Variants in ACAP2 observed in about 807,000 individuals in gnomAD.
ACAP2 encodes ArfGAP with coiled-coil, ankyrin repeat and PH domains 2, also known as arf-GAP with coiled-coil, ANK repeat and PH domain-containing protein 2.
ACAP2 carries 39 observed loss-of-function variants against 115.8 expected under a neutral mutation model. The ratio of observed to expected loss-of-function variants is 0.34; its 90% CI spans 0.26 to 0.44. ACAP2 has a LOEUF of 0.44. ACAP2 is among the 20% of genes least tolerant of loss of function. ACAP2 has a pLI of 1.00. For synonymous variants in ACAP2, 289 were observed against 315.8 expected, an observed-to-expected ratio of 0.92 and a Z score of 0.90; for missense variants, 662 against 927.6, an observed-to-expected ratio of 0.71 and a Z score of 3.72.
chr3:195,308,108 G>A (rs1470331170), intron 11 of ACAP2, among the ~76,000 whole-genome samples: 1 of 151,994 alleles, frequency 6.6e-6, no homozygotes, highest in African/African-American at 2.4e-5. Context: ...TTAAAATAAG[G>A]TTCAGGAAAA....
intron 1 of ACAP2, among the ~76,000 whole-genome samples, chr3:195,424,154 G>C (rs914149081): frequency 6.0e-5 from 9 of 148,804 alleles, no homozygotes; most frequent in Non-Finnish European, 1.3e-4. Context: ...CTGTCCCCTA[G>C]TATAAATAGC....
intron 1 of ACAP2, among the ~76,000 whole-genome samples, chr3:195,396,119 C>G (rs927601883): frequency 2.0e-4 from 31 of 151,882 alleles, no homozygotes; most frequent in Non-Finnish European, 7.4e-5. Flanking sequence ...GGCGTGGTGG[C>G]AGGCACCTGT....
At chr3:195,297,653 G>T (rs1727744188) in intron 15 of ACAP2, among the ~76,000 whole-genome samples, 1 of 152,210 alleles carries the variant, frequency 6.6e-6, no homozygotes, top group African/African-American at 2.4e-5. Flanking sequence ...GGTGCAGTAA[G>T]TACTAGCCAG....
intron 22 of ACAP2, chr3:195,280,648 C>T (rs933083198): frequency 2.0e-5 from 3 of 151,616 alleles, no homozygotes; most frequent in Non-Finnish European, 4.4e-5. Context: ...ATATGTTTAC[C>T]GAGAAATAGA....
intron 4 of ACAP2, chr3:195,349,875 C>T: frequency 3.4e-6 from 1 of 297,034 alleles, no homozygotes; most frequent in South Asian, 3.3e-5. Flanking sequence ...CTGTCTGGAA[C>T]AAAGGAACAA....
At chr3:195,282,791 T>C (rs1254294631) in intron 22 of ACAP2, 1 of 152,252 alleles carries the variant, frequency 6.6e-6, no homozygotes, top group East Asian at 1.9e-4. Context: ...AACTTTTCTA[T>C]GTGCCTGGAC....
chr3:195,426,037 T>C (rs1338480778), intron 1 of ACAP2, among the ~76,000 whole-genome samples: 1 of 152,190 alleles, frequency 6.6e-6, no homozygotes, highest in Non-Finnish European at 1.5e-5. Context: ...TTGCTTCCTA[T>C]TGCACTAACC....
intron 1 of ACAP2, among the ~76,000 whole-genome samples, chr3:195,427,566 A>G (rs901176595): frequency 1.3e-5 from 2 of 152,098 alleles, no homozygotes; most frequent in African/African-American, 4.8e-5. Flanking sequence ...ACAGTATATT[A>G]CTTTACTGAA....
At chr3:195,357,368 C>T (rs1232129076) in intron 4 of ACAP2, among the ~76,000 whole-genome samples, 1 of 152,120 alleles carries the variant, frequency 6.6e-6, no homozygotes, top group East Asian at 1.9e-4. Flanking sequence ...GCACTCTGAA[C>T]CTGTCCGGAG....
intron 10 of ACAP2, 133 bp from the exon 11 acceptor site, chr3:195,308,970 T>C: frequency 1.2e-6 from 1 of 823,116 alleles, no homozygotes; most frequent in Non-Finnish European, 1.9e-6. Context: ...CTGTATTATT[T>C]TGCTTTATAT....
intron 1 of ACAP2, among the ~76,000 whole-genome samples, chr3:195,423,176 G>T (rs1714325148): frequency 6.6e-6 from 1 of 152,050 alleles, no homozygotes; most frequent in Non-Finnish European, 1.5e-5. Context: ...AAGTACATGT[G>T]AGATGTATTT....
chr3:195,393,343 C>T (rs1366869564), intron 1 of ACAP2, among the ~76,000 whole-genome samples: 3 of 152,214 alleles, frequency 2.0e-5, no homozygotes, highest in African/African-American at 4.8e-5. Context: ...AGAACTCCCA[C>T]TTCACCTCTG....
At chr3:195,342,716 C>A (rs1270149784) in intron 5 of ACAP2, 62 bp from the exon 6 acceptor site, 1 of 1,404,890 alleles carries the variant, frequency 7.1e-7, no homozygotes, top group Non-Finnish European at 9.5e-7. Context: ...CTTTAGCAGG[C>A]TGGGCGCGGT....
At chr3:195,355,001 C>T (rs1279646237) in intron 4 of ACAP2, among the ~76,000 whole-genome samples, 5 of 152,126 alleles carry the variant, frequency 3.3e-5, no homozygotes, top group Non-Finnish European at 5.9e-5. Flanking sequence ...GTAGCTGGGA[C>T]TACAGGCATG....
At chr3:195,295,643 G>A (rs1314537769) in intron 17 of ACAP2, 65 bp downstream of exon 17, 3 of 1,560,030 alleles carry the variant, frequency 1.9e-6, no homozygotes, top group Non-Finnish European at 1.8e-6. Context: ...TATTAGTTCA[G>A]GGATTATAAA....
At chr3:195,392,731 CA>C (rs1734760256) in intron 1 of ACAP2, among the ~76,000 whole-genome samples, 1 of 152,130 alleles carries the variant, frequency 6.6e-6, no homozygotes, top group East Asian at 1.9e-4. Context: ...GTCTTATTGA[CA>C]AAAGAGAATA....
intron 13 of ACAP2, among the ~76,000 whole-genome samples, chr3:195,302,815 G>T (rs180781943): frequency 2.6e-3 from 402 of 152,208 alleles, no homozygotes; most frequent in African/African-American, 9.2e-3. Context: ...GGCCGAGAGC[G>T]GTGTCACCCC....
At chr3:195,291,505 A>T (rs954463008) in intron 20 of ACAP2, among the ~76,000 whole-genome samples, 1 of 152,234 alleles carries the variant, frequency 6.6e-6, no homozygotes, top group African/African-American at 2.4e-5. Flanking sequence ...AAGCCTTGAA[A>T]TTTTTGTATC....
At chr3:195,413,947 C>G (rs1199997737) in intron 1 of ACAP2, among the ~76,000 whole-genome samples, 1 of 150,994 alleles carries the variant, frequency 6.6e-6, no homozygotes, top group Non-Finnish European at 1.5e-5. Flanking sequence ...TACGCTGCAG[C>G]CTGGGCAACA....
Sources: gnomAD v4.1 joint callset for allele counts (sites outside exome capture counted in the v4.1 genomes callset) on GRCh38, gnomAD v4.1.1 for gene constraint, MANE v1.5 for transcripts, NCBI Gene and HGNC (gene_info 2026-07-23, HGNC 2026-07-21) for gene names.